The following DRC1 variants were observed in gnomAD, a reference collection of about 807,000 sequenced individuals.
DRC1 encodes the protein dynein regulatory complex protein 1.
Under a neutral mutation model 98.7 loss-of-function variants are expected in DRC1, and 74 were observed. That is an observed-to-expected ratio of 0.75 (90% CI 0.62 to 0.91). The LOEUF is 0.91. DRC1 is among the 40% of genes least tolerant of loss of function. The pLI is 0.00. For synonymous variants in DRC1, 336 were observed against 334.1 expected (o/e 1.01, Z -0.06); for missense variants, 875 against 886.0 (o/e 0.99, Z 0.16).
intron 6 of DRC1, 23 bp downstream of exon 6, chr2:26,430,895 A>G (rs2147991653): frequency 2.5e-6 from 4 of 1,586,472 alleles, no homozygotes; most frequent in Non-Finnish European, 3.4e-6. Flanking sequence ...GCCTGTCAAG[A>G]GTGATCCGTG....
chr2:26,419,937 T>G (rs770818345), intron 2 of DRC1, among the ~76,000 whole-genome samples: 2 of 152,200 alleles, frequency 1.3e-5, no homozygotes, highest in African/African-American at 4.8e-5. Context: ...TTTTCCTGCC[T>G]TAGAATCCAT....
chr2:26,424,785 C>A (rs1663241646), intron 4 of DRC1, among the ~76,000 whole-genome samples: 1 of 152,056 alleles, frequency 6.6e-6, no homozygotes, highest in Admixed American at 6.5e-5. Context: ...AACCCCATCT[C>A]TACTAAAAAT....
At chr2:26,421,221 G>A (rs1019641286) in intron 2 of DRC1, 67 bp from the exon 3 acceptor site, 145 of 1,466,916 alleles carry the variant, frequency 9.9e-5, no homozygotes, top group Non-Finnish European at 5.2e-5. Flanking sequence ...GTGCAAAAAT[G>A]TTTCAGACTT....
intron 4 of DRC1, among the ~76,000 whole-genome samples, chr2:26,427,568 T>A (rs144601230): frequency 6.6e-6 from 1 of 152,192 alleles, no homozygotes; most frequent in Non-Finnish European, 1.5e-5. Flanking sequence ...TTTCTTTGTG[T>A]TGCAAACATT....
rs1212343977 is a variant in DRC1, at chr2:26,405,658, T to A, written c.155+3514T>A. On this transcript the variant is annotated intron_variant, in intron 1 of 16. Coordinates refer to ENST00000288710, the MANE Select transcript of DRC1 (RefSeq NM_145038.5). ...TTTTTTTTTAAAGGCTATATCTTTT[T>A]TTTTTTTTTTTTTTTTTTTGAGGCC... 9.2e-3 allele frequency among the ~76,000 whole-genome samples: 1,244 copies of A among 135,332 alleles called. 22 individuals carry two copies. Among genetic ancestry groups the A allele is most frequent in the African/African-American group, 0.032 (1,168 of 36,318 alleles). 88.8% of individuals were successfully genotyped at this position (135,332 alleles called of 152,430 possible). A position where few individuals can be genotyped will look rare whatever the true frequency, so the allele number is the denominator to read the frequency against.
chr2:26,449,924 G>A (rs1663955791), intron 11 of DRC1, 72 bp from the exon 12 acceptor site: 3 of 1,370,828 alleles, frequency 2.2e-6, no homozygotes, highest in Non-Finnish European at 3.1e-6. Flanking sequence ...TTACACAGGG[G>A]GCAGCTGCAG....
chr2:26,409,184 G>T (rs992923446), intron 1 of DRC1, among the ~76,000 whole-genome samples: 1 of 151,956 alleles, frequency 6.6e-6, no homozygotes, highest in Non-Finnish European at 1.5e-5. Context: ...TCCTGCCCTG[G>T]CCTCCCATAG....
At chr2:26,430,428 C>T (rs1018250029) in intron 5 of DRC1, 2 of 449,828 alleles carry the variant, frequency 4.4e-6, no homozygotes, top group Admixed American at 2.5e-5. Context: ...GGATCCCCAA[C>T]CATGGCAACG....
chr2:26,449,861 C>T, intron 11 of DRC1, 135 bp from the exon 12 acceptor site: 2 of 719,642 alleles, frequency 2.8e-6, no homozygotes, highest in Non-Finnish European at 4.5e-6. Context: ...TGCTGGGGCC[C>T]ACTGCTGGCT....
Position 26,409,659 on chromosome 2 carries a change from C to T in DRC1, c.156-4685C>T, listed in dbSNP as rs1050665388. On this transcript the variant is annotated intron_variant, in intron 1 of 16. Coordinates refer to ENST00000288710, the MANE Select transcript of DRC1 (RefSeq NM_145038.5). ...TAAGAGCAATAGACACATTCAGCAA[C>T]AACTAGAATAATGGAACTCAAAGTT... 2.0e-5 allele frequency among the ~76,000 whole-genome samples: 3 copies of T among 152,144 alleles called. No individual in the cohort carries two copies. In the South Asian group the frequency reaches 6.2e-4, roughly 32 times the overall value.
intron 11 of DRC1, 58 bp from the exon 12 acceptor site, chr2:26,449,938 C>A: frequency 6.5e-7 from 1 of 1,529,880 alleles, no homozygotes; most frequent in Non-Finnish European, 9.0e-7. Context: ...GCTGCAGACC[C>A]TGGGACTCGC....
Position 26,444,218 on chromosome 2 carries a change from C to A in DRC1, c.1029-4C>A. 1 of 1,613,990 alleles carries A rather than the reference C, an allele frequency of 6.2e-7. No homozygotes were observed. Among genetic ancestry groups the A allele is most frequent in the South Asian group, 1.1e-5 (1 of 91,072 alleles). Reference sequence around the variant, plus strand: ...GCAGACTAACCTTTTTCTCCTTCAACCAGCCTGCATGATATACTTAACAAT... The same window carrying A: ...GCAGACTAACCTTTTTCTCCTTCAAACAGCCTGCATGATATACTTAACAAT... On this transcript the variant is annotated splice_polypyrimidine_tract_variant and splice_region_variant and intron_variant, in intron 8 of 16. Transcript: ENST00000288710.
intron 4 of DRC1, among the ~76,000 whole-genome samples, chr2:26,426,563 C>T (rs1050617731): frequency 1.3e-5 from 2 of 151,988 alleles, no homozygotes; most frequent in East Asian, 3.9e-4. Context: ...GATGGAGTTT[C>T]ACAATTTTGG....
At chr2:26,435,236 C>T (rs1663540052) in intron 7 of DRC1, among the ~76,000 whole-genome samples, 1 of 152,210 alleles carries the variant, frequency 6.6e-6, no homozygotes, top group African/African-American at 2.4e-5. Context: ...GTTGTCAACA[C>T]TTATGCTACC....
intron 3 of DRC1, among the ~76,000 whole-genome samples, 157 bp downstream of exon 3, chr2:26,421,557 CTTTTTTT>C (rs397873833): frequency 7.5e-5 from 9 of 120,126 alleles, no homozygotes; most frequent in Non-Finnish European, 1.0e-4. Flanking sequence ...CTTTCTCTCT[CTTTTTTT>C]TTTTTTTTTT....
At position 26,453,508 on chromosome 2, in the gene DRC1, C is replaced by G; in HGVS notation, c.1878C>G (p.Leu626=). ...GGGTCATCCACCCCAATGATGTCCT[C>G]AAGATTCTGGAGGCCTTCGTCATGG... ...SPWVIHPNDV[L]KILEAFVMGL... is the part of the protein sequence containing the mutation. Residue 626 remains leucine, a synonymous_variant, in exon 14 of 17, where the codon CTC becomes CTG. Transcript: ENST00000288710. 1 of 1,614,146 alleles carries G rather than the reference C, an allele frequency of 6.2e-7. No individual in the cohort carries two copies. Among genetic ancestry groups the G allele is most frequent in the Non-Finnish European group, 8.5e-7 (1 of 1,180,016 alleles).
intron 10 of DRC1, among the ~76,000 whole-genome samples, chr2:26,445,863 T>C (rs370515709): frequency 1.3e-5 from 2 of 152,000 alleles, no homozygotes; most frequent in African/African-American, 4.8e-5. Flanking sequence ...TTTCACCATA[T>C]TGGCCAGGAT....
chr2:26,418,603 A>AAAATTATATATAATTTATATAT, intron 2 of DRC1, among the ~76,000 whole-genome samples: 1 of 93,394 alleles, frequency 1.1e-5, no homozygotes, highest in Non-Finnish European at 1.8e-5. Context: ...AATTTATATA[A>AAAATTATATATAATTTATATAT]TATATAAATT....
At chr2:26,444,676 C>T in intron 9 of DRC1, 40 bp from the exon 10 acceptor site, 2 of 1,586,498 alleles carry the variant, frequency 1.3e-6, no homozygotes, top group East Asian at 4.5e-5. Context: ...TGGCCAGGTC[C>T]TGGGGCCAGC....
Sources: allele counts gnomAD v4.1 joint callset (sites outside exome capture counted in the v4.1 genomes callset), GRCh38; gene constraint gnomAD v4.1.1; transcripts MANE v1.5; gene names NCBI Gene and HGNC (gene_info 2026-07-23, HGNC 2026-07-21).